Variants in TP63 observed in about 807,000 individuals in gnomAD.
TP63 encodes the protein tumor protein p63.
A neutral mutation model predicts 82.8 loss-of-function variants in TP63; 17 were observed. That is an observed-to-expected ratio of 0.21 (90% CI 0.14 to 0.31). TP63 has a LOEUF of 0.31. Among genes scored for constraint, TP63 ranks in the 10% least tolerant of loss-of-function variants. TP63 has a pLI of 1.00. For missense variants in TP63, 648 were observed against 895.3 expected (o/e 0.72, Z 3.52); for synonymous variants, 330 against 321.7 (o/e 1.03, Z -0.28).
Position 189,889,405 on chromosome 3 carries a change from C to A in TP63, c.1573C>A (p.Leu525Ile). ...GAATGGACTCAGCCCCACCCAGGCA[C>A]TCCCTCCCCCACTCTCCATGCCATC... ...DMNGLSPTQA[L>I]PPPLSMPSTS... Residue 525 changes from leucine (L) to isoleucine (I), a missense_variant, in exon 12 of 14, where the codon CTC becomes ATC. Physicochemically the swap from Leu to Ile is conservative, Grantham distance 5 (BLOSUM62 2). Around this residue, in one of 5 missense-constraint regions of TP63, gnomAD observed 342 missense variants for 425.7 expected, o/e 0.80. Coordinates refer to ENST00000264731, the MANE Select transcript of TP63 (RefSeq NM_003722.5). The A allele has an allele frequency of 6.2e-7, 1 of 1,614,118 alleles. No individual in the cohort carries two copies. The highest frequency in any genetic ancestry group is 1.7e-5 in the Admixed American group (1 of 60,026).
At chr3:189,688,485 A>G (rs1244875108) in intron 1 of TP63, among the ~76,000 whole-genome samples, 2 of 152,054 alleles carry the variant, frequency 1.3e-5, no homozygotes, top group Non-Finnish European at 2.9e-5. Context: ...TCACTACAAT[A>G]CCTCTGTGTC....
upstream of TP63, among the ~76,000 whole-genome samples, chr3:189,627,715 A>G (rs1387121305): frequency 6.6e-6 from 1 of 152,108 alleles, no homozygotes; most frequent in Non-Finnish European, 1.5e-5. Context: ...CAAGTCAGTG[A>G]TTGTCTAAGG....
the TP63 span, among the ~76,000 whole-genome samples, chr3:189,603,703 T>A: frequency 6.7e-6 from 1 of 149,866 alleles, no homozygotes; most frequent in Non-Finnish European, 1.5e-5. Context: ...GTTACAGATT[T>A]TTTTTCCTAC....
intron 1 of TP63, among the ~76,000 whole-genome samples, chr3:189,634,988 C>A (rs1329065584): frequency 6.6e-6 from 1 of 151,622 alleles, no homozygotes; most frequent in Non-Finnish European, 1.5e-5. Flanking sequence ...AGATTAAATT[C>A]TTTCAAAGTA....
intron 4 of TP63, among the ~76,000 whole-genome samples, chr3:189,845,926 G>A (rs982939637): frequency 5.3e-5 from 8 of 151,570 alleles, no homozygotes; most frequent in Non-Finnish European, 1.2e-4. Context: ...TTTGGTTTTG[G>A]TGTAGTAGGC....
At chr3:189,877,330 C>A (rs537537587) in intron 10 of TP63, among the ~76,000 whole-genome samples, 1 of 152,184 alleles carries the variant, frequency 6.6e-6, no homozygotes, top group Non-Finnish European at 1.5e-5. Flanking sequence ...GGGACATCAA[C>A]GCTTAAGACA....
the TP63 span, among the ~76,000 whole-genome samples, chr3:189,625,585 A>C: frequency 1.1e-4 from 17 of 152,338 alleles, no homozygotes; most frequent in African/African-American, 4.1e-4. Context: ...ATAATTTTTT[A>C]ATTTCAATAA....
At chr3:189,777,845 CTTTTTTTTTTTTTTTTT>C (rs55731981) in intron 3 of TP63, among the ~76,000 whole-genome samples, 1 of 37,752 alleles carries the variant, frequency 2.6e-5, no homozygotes, top group African/African-American at 1.2e-4. Flanking sequence ...TCTTCTTCTT[CTTTTTTTTTTTTTTTTT>C]TTTTTTTTTT....
intron 3 of TP63, among the ~76,000 whole-genome samples, chr3:189,770,892 A>C (rs1723287608): frequency 6.6e-6 from 1 of 152,196 alleles, no homozygotes; most frequent in Admixed American, 6.5e-5. Context: ...AGATTTGAAG[A>C]ATGATACTTA....
intron 4 of TP63, among the ~76,000 whole-genome samples, chr3:189,851,392 C>T (rs755649242): frequency 2.6e-5 from 4 of 152,020 alleles, no homozygotes; most frequent in Non-Finnish European, 5.9e-5. Context: ...GAAACCCCGT[C>T]TCTGCTGAAG....
At chr3:189,843,253 A>G (rs967440085) in intron 4 of TP63, among the ~76,000 whole-genome samples, 11 of 152,034 alleles carry the variant, frequency 7.2e-5, no homozygotes, top group African/African-American at 2.7e-4. Flanking sequence ...GCACGGTCTA[A>G]GTGTCGCCCC....
In TP63 at chr3:189,631,428, C is replaced by T. The variant is rs1002040907; in HGVS notation, c.-88C>T. 10 of 1,597,884 alleles carry T rather than the reference C, an allele frequency of 6.3e-6. No homozygotes were observed. In the African/African-American group the frequency reaches 1.4e-4, roughly 22 times the overall value. ...ATTTGACCCTATTGCTTTTAGCCTC[C>T]CGGCTTTATATCTATATATACACAG... On this transcript the variant is annotated 5_prime_UTR_variant, in exon 1 of 14. Transcript: ENST00000264731.
intron 1 of TP63, among the ~76,000 whole-genome samples, chr3:189,639,543 T>C (rs560860642): frequency 1.3e-5 from 2 of 152,272 alleles, no homozygotes; most frequent in East Asian, 1.9e-4. Flanking sequence ...CAAAATCTCT[T>C]GCCACTTTCA....
At chr3:189,810,425 G>A (rs1238716003) in intron 4 of TP63, among the ~76,000 whole-genome samples, 2 of 152,114 alleles carry the variant, frequency 1.3e-5, no homozygotes, top group Admixed American at 6.6e-5. Context: ...ATGAGATGAT[G>A]GGCATATTAG....
chr3:189,724,257 T>G (rs1388161390), intron 1 of TP63, among the ~76,000 whole-genome samples: 1 of 152,176 alleles, frequency 6.6e-6, no homozygotes, highest in East Asian at 1.9e-4. Flanking sequence ...CAAGGTTCTA[T>G]AGTGTTAAAG....
chr3:189,840,362 T>TTTTTTTTTTTTTTTTTTTTTTTTTTA (rs1713864113), intron 4 of TP63, among the ~76,000 whole-genome samples: 2 of 92,936 alleles, frequency 2.2e-5, no homozygotes, highest in African/African-American at 4.3e-5. Flanking sequence ...TTTTCGTCTT[T>TTTTTTTTTTTTTTTTTTTTTTTTTTA]TTTTTTTTTT....
intron 3 of TP63, among the ~76,000 whole-genome samples, chr3:189,747,887 A>G (rs903981502): frequency 6.6e-6 from 1 of 151,714 alleles, no homozygotes; most frequent in South Asian, 2.1e-4. Flanking sequence ...AATGAAAAAT[A>G]TATCACCGAC....
At chr3:189,888,002 G>T (rs898860310) in intron 11 of TP63, among the ~76,000 whole-genome samples, 1 of 151,970 alleles carries the variant, frequency 6.6e-6, no homozygotes, top group African/African-American at 2.4e-5. Context: ...GATTACAGGC[G>T]TGCACCACCA....
intron 4 of TP63, among the ~76,000 whole-genome samples, chr3:189,822,098 C>T (rs1260926713): frequency 6.6e-6 from 1 of 152,136 alleles, no homozygotes; most frequent in Non-Finnish European, 1.5e-5. Flanking sequence ...GCGGCTTCCT[C>T]ACCTTTCAAA....
Sources: allele counts gnomAD v4.1 joint callset (sites outside exome capture counted in the v4.1 genomes callset), GRCh38; gene constraint gnomAD v4.1.1; regional missense constraint gnomAD v4.1.1; transcripts MANE v1.5; gene names NCBI Gene and HGNC (gene_info 2026-07-23, HGNC 2026-07-21).